The following CLEC2D variants were observed in gnomAD, a reference collection of about 807,000 sequenced individuals.
CLEC2D encodes C-type lectin related f.
Under a neutral mutation model 20.0 loss-of-function variants are expected in CLEC2D, and 16 were observed. The ratio of observed to expected loss-of-function variants is 0.80; its 90% CI spans 0.54 to 1.22. CLEC2D has a LOEUF of 1.22. CLEC2D is among the 50% of genes most tolerant of loss of function. The pLI, the probability that CLEC2D is intolerant of heterozygous loss-of-function variation, is 0.00. For missense variants in CLEC2D, 207 were observed against 221.5 expected (o/e 0.93, Z 0.42); for synonymous variants, 77 against 71.1 (o/e 1.08, Z -0.42).
At chr12:9,681,859 T>C (rs1865641885) in intron 2 of CLEC2D, among the ~76,000 whole-genome samples, 1 of 152,222 alleles carries the variant, frequency 6.6e-6, no homozygotes, top group Non-Finnish European at 1.5e-5. Flanking sequence ...AAACCACAGA[T>C]AATATACTTT....
chr12:9,688,101 C>T lies in CLEC2D; in HGVS notation c.357+15C>T. ...TCCAGGAACTGGTAAGAAAATAGTT[C>T]TGGCCAGAATCAAAGATTCAGCCCT... On this transcript the variant is annotated intron_variant, in intron 3 of 4. Transcript: ENST00000290855. The T allele has an allele frequency of 6.4e-7, 1 of 1,553,616 alleles. No individual in the cohort carries two copies.
At chr12:9,688,735 A>G (rs2895989) in intron 3 of CLEC2D, among the ~76,000 whole-genome samples, 53,624 of 151,624 alleles carry the variant, frequency 0.35, 10,794 homozygotes, top group East Asian at 0.58. Flanking sequence ...ATAAAATAAA[A>G]ACAATAAGTC....
At chr12:9,674,587 A>C (rs1228050723) in intron 1 of CLEC2D, among the ~76,000 whole-genome samples, 2 of 152,244 alleles carry the variant, frequency 1.3e-5, no homozygotes, top group Non-Finnish European at 2.9e-5. Flanking sequence ...GAAACTGCCA[A>C]AGTGGCTGTA....
In CLEC2D at chr12:9,697,119, A is replaced by G. The variant is rs1203328453; in HGVS notation, c.*2245A>G. 1.3e-5 allele frequency: 2 copies of G among 152,080 alleles called. No individual in the cohort carries two copies. The highest frequency in any genetic ancestry group is 2.4e-5 in the African/African-American group (1 of 41,414). 9.4% of individuals were successfully genotyped at this position (152,080 alleles called of 1,614,324 possible). The stretch of plus-strand genomic sequence containing the variant: ...TTATGTTGGGAACAAGCCCCCCAAA[A>G]TCTGGCCATAAACTCACCCCAAAAC... On this transcript the variant is annotated 3_prime_UTR_variant, in exon 5 of 5. Coordinates refer to ENST00000290855, the MANE Select transcript of CLEC2D (RefSeq NM_013269.6).
chr12:9,698,017 T>C lies in CLEC2D; in HGVS notation c.*3143T>C, dbSNP rs1358172180. 2.6e-5 allele frequency: 4 copies of C among 152,208 alleles called. No homozygotes were observed. Among genetic ancestry groups the C allele is most frequent in the Non-Finnish European group, 4.4e-5 (3 of 68,032 alleles). The allele number at this position is 152,208 out of a possible 1,614,324, so 9.4% of individuals were successfully genotyped here. ...AACATCACATTATACACATCAAATATATACAATAAAAAAGCACATTGGGAG... is the reference window on the plus strand; with the variant it reads ...AACATCACATTATACACATCAAATACATACAATAAAAAAGCACATTGGGAG... On this transcript the variant is annotated 3_prime_UTR_variant, in exon 5 of 5. Coordinates refer to ENST00000290855, the MANE Select transcript of CLEC2D (RefSeq NM_013269.6).
intron 1 of CLEC2D, among the ~76,000 whole-genome samples, chr12:9,676,498 C>G (rs896297918): frequency 2.6e-5 from 4 of 151,964 alleles, no homozygotes; most frequent in Non-Finnish European, 4.4e-5. Flanking sequence ...AATGTTGAAC[C>G]TGCCTTAAAT....
chr12:9,697,653 A>G lies in CLEC2D; in HGVS notation c.*2779A>G, dbSNP rs1360726374. ...TAAATAAACCTATAGGGTTTATTATATATACTAAGTGAAATAAGCCAGACA... is the reference window on the plus strand; with the variant it reads ...TAAATAAACCTATAGGGTTTATTATGTATACTAAGTGAAATAAGCCAGACA... On this transcript the variant is annotated 3_prime_UTR_variant, in exon 5 of 5. Transcript: ENST00000290855. 1.3e-5 allele frequency: 2 copies of G among 152,174 alleles called. No individual in the cohort carries two copies. Among genetic ancestry groups the G allele is most frequent in the Admixed American group, 6.6e-5 (1 of 15,266 alleles). The allele number at this position is 152,174 out of a possible 1,614,324, so 9.4% of individuals were successfully genotyped here.
chr12:9,684,895 T>G (rs1416113952), intron 2 of CLEC2D, among the ~76,000 whole-genome samples: 3 of 152,168 alleles, frequency 2.0e-5, no homozygotes, highest in Non-Finnish European at 4.4e-5. Flanking sequence ...TGGTCTCATA[T>G]AATGAGTTAG....
In CLEC2D at chr12:9,693,632, T is replaced by C. The variant is rs761329517; in HGVS notation, c.461+701T>C. The C allele has an allele frequency of 2.7e-5, 6 of 221,350 alleles. No individual in the cohort carries two copies. The East Asian group carries it at 9.6e-4, about 35-fold the overall frequency. The allele number at this position is 221,350 out of a possible 1,614,324, so 13.7% of individuals were successfully genotyped here. On this transcript the variant is annotated intron_variant, in intron 4 of 4. Transcript: ENST00000290855. Reference sequence around the variant, plus strand: ...GTTTTTTCTCATTAGCTTTTGACCTTGGATGGGATGGTAAGTTTTAGAAAT... The same window carrying C: ...GTTTTTTCTCATTAGCTTTTGACCTCGGATGGGATGGTAAGTTTTAGAAAT...
At chr12:9,694,178 T>C (rs1262762992) in intron 4 of CLEC2D, among the ~76,000 whole-genome samples, 1 of 152,056 alleles carries the variant, frequency 6.6e-6, no homozygotes, top group African/African-American at 2.4e-5. Context: ...TGCTCATCAC[T>C]TAAAGAAATG....
At chr12:9,671,540 G>C (rs1865426004) in intron 1 of CLEC2D, among the ~76,000 whole-genome samples, 1 of 152,230 alleles carries the variant, frequency 6.6e-6, no homozygotes, top group Non-Finnish European at 1.5e-5. Context: ...CTTTCTCAAG[G>C]TTTTGGCTAT....
At chr12:9,692,780 G>C (rs1865894948) in intron 3 of CLEC2D, 48 bp from the exon 4 acceptor site, 2 of 1,266,326 alleles carry the variant, frequency 1.6e-6, no homozygotes, top group Non-Finnish European at 2.2e-6. Flanking sequence ...TCTGGGAGAG[G>C]ATGGGTTATG....
At chr12:9,690,476 CAT>C (rs1202652313) in intron 3 of CLEC2D, among the ~76,000 whole-genome samples, 3 of 152,024 alleles carry the variant, frequency 2.0e-5, no homozygotes, top group Non-Finnish European at 1.5e-5. Flanking sequence ...AGAATTACTA[CAT>C]GTGTCATATA....
rs78284136 is a variant in CLEC2D at position 9,696,606 on chromosome 12, G to A, written c.*1732G>A. ...CCCCATAAAGCAATTGTCTCCACCT[G>A]GCCCTGCCCTTTGCATGTGGAGATT... is the stretch of plus-strand genomic sequence containing the variant. On this transcript the variant is annotated 3_prime_UTR_variant, in exon 5 of 5. Coordinates refer to ENST00000290855, the MANE Select transcript of CLEC2D (RefSeq NM_013269.6). 3.3e-3 allele frequency: 625 copies of A among 190,894 alleles called. 5 individuals are homozygous for A. Among genetic ancestry groups the A allele is most frequent in the African/African-American group, 0.013 (551 of 42,228 alleles). The allele number at this position is 190,894 out of a possible 1,614,324, so 11.8% of individuals were successfully genotyped here. A position where few individuals can be genotyped will look rare whatever the true frequency, so the allele number is the denominator to read the frequency against.
chr12:9,697,058 AT>A lies in CLEC2D; in HGVS notation c.*2185del, dbSNP rs1866013765. ...ATACATATATATATATATATAAAAA[AT>A]AGAATATTATTCAGCCTTGTAAAAA... On this transcript the variant is annotated 3_prime_UTR_variant, in exon 5 of 5. Coordinates refer to ENST00000290855, the MANE Select transcript of CLEC2D (RefSeq NM_013269.6). 6.6e-6 allele frequency: 1 copy of A among 151,882 alleles called. No homozygotes were observed. Among genetic ancestry groups the A allele is most frequent in the East Asian group, 1.9e-4 (1 of 5,198 alleles). The allele number at this position is 151,882 out of a possible 1,614,324, so 9.4% of individuals were successfully genotyped here.
chr12:9,685,268 C>G (rs904474081), intron 2 of CLEC2D, among the ~76,000 whole-genome samples: 6 of 152,200 alleles, frequency 3.9e-5, no homozygotes, highest in Non-Finnish European at 8.8e-5. Flanking sequence ...GTATGAGGTG[C>G]CTATCAACCC....
At chr12:9,671,422 G>A (rs557281977) in intron 1 of CLEC2D, among the ~76,000 whole-genome samples, 150 of 152,164 alleles carry the variant, frequency 9.9e-4, no homozygotes, top group Non-Finnish European at 1.9e-3. Flanking sequence ...GGGTTTCACC[G>A]TGTTAGCCAG....
chr12:9,695,895 C>A lies in CLEC2D; in HGVS notation c.*1021C>A. 9.2e-7 allele frequency: 1 copy of A among 1,082,884 alleles called. No homozygotes were observed. The highest frequency in any genetic ancestry group is 1.7e-5 in the Admixed American group (1 of 58,308). The allele number at this position is 1,082,884 out of a possible 1,614,324, so 67.1% of individuals were successfully genotyped here. ...ATGAAGATGATGATGATGATGATGA[C>A]GAGGAAGCTGAAGAAAAAGCGCCAG... On this transcript the variant is annotated 3_prime_UTR_variant, in exon 5 of 5. Coordinates refer to ENST00000290855, the MANE Select transcript of CLEC2D (RefSeq NM_013269.6).
In CLEC2D at chr12:9,671,499, C is replaced by A. The variant is rs184791761; in HGVS notation, c.61+1704C>A. 9.4e-3 allele frequency among the ~76,000 whole-genome samples: 1,435 copies of A among 152,304 alleles called. 13 individuals are homozygous for A. Among genetic ancestry groups the A allele is most frequent in the Middle Eastern group, 0.048 (14 of 294 alleles). On this transcript the variant is annotated intron_variant, in intron 1 of 4. Coordinates refer to ENST00000290855, the MANE Select transcript of CLEC2D (RefSeq NM_013269.6). ...CCTCCCAAACTGCTGGGATTACAGG[C>A]GTGAGCCACCGCGCCCGGCCGAGGA...
Sources: allele counts gnomAD v4.1 joint callset (sites outside exome capture counted in the v4.1 genomes callset), GRCh38; gene constraint gnomAD v4.1.1; transcripts MANE v1.5; gene names NCBI Gene and HGNC (gene_info 2026-07-23, HGNC 2026-07-21).